The following TBC1D10A variants were observed in gnomAD, a reference collection of about 807,000 sequenced individuals.
TBC1D10A encodes the protein EBP50-PDX interactor of 64 kDa.
Under a neutral mutation model 52.9 loss-of-function variants are expected in TBC1D10A, and 24 were observed. The observed-to-expected ratio is 0.45, with a 90% CI of 0.33 to 0.64. The LOEUF is 0.64. Among genes scored for constraint, TBC1D10A ranks in the 30% least tolerant of loss-of-function variants. The pLI is 0.02. For missense variants in TBC1D10A, 602 were observed against 687.9 expected (o/e 0.88, Z 1.40); for synonymous variants, 278 against 282.9 (o/e 0.98, Z 0.17).
rs368901523 is a variant in TBC1D10A, at chr22:30,294,980, C to A, written c.600G>T (p.Ala200=). Residue 200 remains alanine, a synonymous_variant, in exon 5 of 9, where the codon GCG becomes GCT. Coordinates refer to ENST00000215790, the MANE Select transcript of TBC1D10A (RefSeq NM_031937.3). ...RPEEGYCQAQ[A]PIAAVLLMHM... Reference sequence around the variant, plus strand: ...GCATGAGCAAGACAGCGGCAATGGGCGCCTGGGCCTGGCAGTAGCCCTCCT... The same window carrying A: ...GCATGAGCAAGACAGCGGCAATGGGAGCCTGGGCCTGGCAGTAGCCCTCCT... 4 of 1,614,058 alleles carry A rather than the reference C, an allele frequency of 2.5e-6. No individual in the cohort carries two copies. The highest frequency in any genetic ancestry group is 3.4e-6 in the Non-Finnish European group (4 of 1,180,016).
At chr22:30,314,395 C>T (rs1001201579) in intron 1 of TBC1D10A, among the ~76,000 whole-genome samples, 1 of 152,184 alleles carries the variant, frequency 6.6e-6, no homozygotes, top group Admixed American at 6.5e-5. Context: ...CAGAATTAAA[C>T]GAGGTGATGT....
chr22:30,325,146 G>T (rs527689825), intron 1 of TBC1D10A, among the ~76,000 whole-genome samples: 1 of 152,338 alleles, frequency 6.6e-6, no homozygotes, highest in East Asian at 1.9e-4. Context: ...ATCAGTCAGG[G>T]TGAGGGTTCA....
At chr22:30,294,447 G>C (rs1328737744) in intron 6 of TBC1D10A, among the ~76,000 whole-genome samples, 2 of 152,222 alleles carry the variant, frequency 1.3e-5, no homozygotes, top group Non-Finnish European at 2.9e-5. Flanking sequence ...AGGGCTAAAA[G>C]CTGAAGGACA....
intron 1 of TBC1D10A, among the ~76,000 whole-genome samples, chr22:30,315,788 C>T (rs1174278870): frequency 6.6e-6 from 1 of 152,158 alleles, no homozygotes; most frequent in Non-Finnish European, 1.5e-5. Context: ...TGTGTGGAGT[C>T]CTGGGACAGG....
chr22:30,300,277 G>A (rs980248015), intron 2 of TBC1D10A, among the ~76,000 whole-genome samples: 14 of 151,700 alleles, frequency 9.2e-5, no homozygotes, highest in South Asian at 2.1e-4. Flanking sequence ...GTGAAACCCC[G>A]TCTCTACTAA....
intron 1 of TBC1D10A, among the ~76,000 whole-genome samples, chr22:30,320,009 AGGACCTGGGATCCCTC>A (rs1256136493): frequency 6.6e-6 from 1 of 152,180 alleles, no homozygotes; most frequent in Non-Finnish European, 1.5e-5. Context: ...TGACAGTCGG[AGGACCTGGGATCCCTC>A]TCCGGTCTGG....
At chr22:30,298,529 C>T (rs948350799) in intron 3 of TBC1D10A, 2 of 152,324 alleles carry the variant, frequency 1.3e-5, no homozygotes, top group African/African-American at 4.8e-5. Flanking sequence ...TTTGGCAAGA[C>T]TGGAGTGTTC....
chr22:30,293,665 A>G lies in TBC1D10A; in HGVS notation c.1036T>C (p.Phe346Leu). The G allele has an allele frequency of 4.4e-6, 7 of 1,608,960 alleles. No homozygotes were observed. The highest frequency in any genetic ancestry group is 6.0e-6 in the Non-Finnish European group (7 of 1,176,212). Residue 346 changes from phenylalanine (F) to leucine (L), a missense_variant, in exon 8 of 9, where the codon TTT (phenylalanine) becomes CTT (leucine). By Grantham distance (22) the Phe-to-Leu change is conservative. Coordinates refer to ENST00000215790, the MANE Select transcript of TBC1D10A (RefSeq NM_031937.3). Reference sequence around the variant, plus strand: ...ATGGGCTGTACCTCCTGGACCAGAAAGGCCTCCTGCATGATCTTGGGGCTG... The same window carrying G: ...ATGGGCTGTACCTCCTGGACCAGAAGGGCCTCCTGCATGATCTTGGGGCTG... ...SLSPKIMQEAFLVQEVVELPV... is the reference protein window; with the variant it reads ...SLSPKIMQEALLVQEVVELPV...
At chr22:30,294,527 G>C (rs1476295218) in intron 6 of TBC1D10A, among the ~76,000 whole-genome samples, 2 of 152,198 alleles carry the variant, frequency 1.3e-5, no homozygotes, top group Non-Finnish European at 2.9e-5. Flanking sequence ...ACAAGGCCAA[G>C]GCGAAGGGAG....
At chr22:30,296,327 AG>A (rs1476463525) in intron 3 of TBC1D10A, 2 of 154,122 alleles carry the variant, frequency 1.3e-5, no homozygotes, top group East Asian at 3.8e-4. Context: ...TTCGCAGATG[AG>A]AAAACTGAAT....
rs1361077017 is a variant in TBC1D10A, at chr22:30,292,842, A to C, written c.1060T>G (p.Leu354Val). ...EAFLVQEVVE[L>V]PVTERQIERE... is the part of the protein sequence containing the mutation. Reference sequence around the variant, plus strand: ...TCAATCTGGCGCTCTGTCACGGGCAACTCCACCACCTGCAGGGGCAGTGAC... The same window carrying C: ...TCAATCTGGCGCTCTGTCACGGGCACCTCCACCACCTGCAGGGGCAGTGAC... The change falls in exon 9 of 9, where the codon TTG (leucine) becomes GTG (valine). Residue 354 changes from leucine (L) to valine (V), a missense_variant. Leu to Val is a conservative substitution (Grantham distance 32). Around this residue, in one of 3 missense-constraint regions of TBC1D10A, gnomAD observed 265 missense variants for 275.1 expected, o/e 0.96. Transcript: ENST00000215790. 1.9e-6 allele frequency: 3 copies of C among 1,610,602 alleles called. No homozygotes were observed. Among genetic ancestry groups the C allele is most frequent in the Non-Finnish European group, 2.5e-6 (3 of 1,179,812 alleles).
intron 2 of TBC1D10A, among the ~76,000 whole-genome samples, chr22:30,303,750 G>A (rs1023575103): frequency 2.6e-5 from 4 of 152,192 alleles, no homozygotes; most frequent in Admixed American, 6.5e-5. Context: ...TGTAAGGCTC[G>A]GAACAGGCCT....
chr22:30,313,446 C>T (rs1930469594), intron 1 of TBC1D10A, among the ~76,000 whole-genome samples: 1 of 151,204 alleles, frequency 6.6e-6, no homozygotes, highest in Non-Finnish European at 1.5e-5. Flanking sequence ...TGCAGTGGCG[C>T]AATCTCGACT....
Position 30,294,042 on chromosome 22 carries a change from C to T in TBC1D10A, c.774G>A (p.Lys258=), listed in dbSNP as rs1046217781. The part of the protein sequence containing the change: ...LLQKVSPVAH[K]HLSRQKIDPL... ...GGTCGATCTTCTGACGGCTGAGGTGCTTGTGGGCCACCGGCGACACCTTCT... is the reference window on the plus strand; with the variant it reads ...GGTCGATCTTCTGACGGCTGAGGTGTTTGTGGGCCACCGGCGACACCTTCT... The change falls in exon 7 of 9, where the codon AAG becomes AAA. Residue 258 remains lysine (K), a synonymous_variant. Transcript: ENST00000215790. 6.2e-7 allele frequency: 1 copy of T among 1,614,140 alleles called. No homozygotes were observed. Among genetic ancestry groups the T allele is most frequent in the Non-Finnish European group, 8.5e-7 (1 of 1,180,030 alleles).
chr22:30,315,577 T>C (rs937233479), intron 1 of TBC1D10A, among the ~76,000 whole-genome samples: 1 of 152,180 alleles, frequency 6.6e-6, no homozygotes, highest in Admixed American at 6.5e-5. Context: ...TTCTCTTTCT[T>C]TGTGAAGCCA....
At chr22:30,295,453 C>T (rs1472060070) in intron 4 of TBC1D10A, among the ~76,000 whole-genome samples, 1 of 152,236 alleles carries the variant, frequency 6.6e-6, no homozygotes, top group African/African-American at 2.4e-5. Context: ...ATACCCTCCA[C>T]TCACCCAATT....
At chr22:30,315,453 C>T (rs1054590450) in intron 1 of TBC1D10A, among the ~76,000 whole-genome samples, 1 of 152,198 alleles carries the variant, frequency 6.6e-6, no homozygotes, top group Middle Eastern at 3.4e-3. Flanking sequence ...AGTAGAGATA[C>T]AGTTTCGCTA....
chr22:30,304,325 G>C (rs1341873582), intron 2 of TBC1D10A, among the ~76,000 whole-genome samples: 1 of 152,212 alleles, frequency 6.6e-6, no homozygotes, highest in Non-Finnish European at 1.5e-5. Context: ...ACAATGTTCT[G>C]CATGAATCTG....
At chr22:30,326,612 G>T in intron 1 of TBC1D10A, 61 bp downstream of exon 1, 1 of 1,500,016 alleles carries the variant, frequency 6.7e-7, no homozygotes, top group Non-Finnish European at 8.9e-7. Context: ...GGGCGCCTCC[G>T]TCCGTGTCGA....
Sources: gnomAD v4.1 joint callset for allele counts (sites outside exome capture counted in the v4.1 genomes callset) on GRCh38, gnomAD v4.1.1 for gene constraint, gnomAD v4.1.1 regional missense constraint, MANE v1.5 for transcripts, NCBI Gene and HGNC (gene_info 2026-07-23, HGNC 2026-07-21) for gene names.